The following GALNT17 variants were observed in gnomAD, a reference collection of about 807,000 sequenced individuals.
GALNT17 encodes UDP-GalNAc:polypeptide N-acetylgalactosaminyltransferase-like 3.
Under a neutral mutation model 63.7 loss-of-function variants are expected in GALNT17, and 29 were observed. The ratio of observed to expected loss-of-function variants is 0.46; its 90% confidence interval spans 0.34 to 0.62. GALNT17 has a LOEUF of 0.62. Among genes scored for constraint, GALNT17 ranks in the 20% least tolerant of loss-of-function variants. The probability of loss-of-function intolerance (pLI) is 0.01; values close to 1 mark genes in which losing one functional copy is unlikely to be tolerated. For synonymous variants in GALNT17, 305 were observed against 318.3 expected, an observed-to-expected ratio of 0.96 and a Z score of 0.45; for missense variants, 603 against 799.6, an observed-to-expected ratio of 0.75 and a Z score of 2.97.
chr7:71,203,022 A>C (rs1789204093), intron 1 of GALNT17, among the ~76,000 whole-genome samples: 1 of 152,190 alleles, frequency 6.6e-6, no homozygotes, highest in African/African-American at 2.4e-5. Context: ...ATACACACAC[A>C]CACCATTTTC....
intron 1 of GALNT17, among the ~76,000 whole-genome samples, chr7:71,256,785 C>T (rs560391010): frequency 3.0e-4 from 46 of 152,218 alleles, no homozygotes; most frequent in South Asian, 8.3e-4. Flanking sequence ...CTCTTTTTGC[C>T]AACACTGCGT....
chr7:71,187,382 A>G (rs1192219937), intron 1 of GALNT17, among the ~76,000 whole-genome samples: 1 of 149,534 alleles, frequency 6.7e-6, no homozygotes, highest in Non-Finnish European at 1.5e-5. Context: ...TTAAAAGTCC[A>G]GCCTCTTTAA....
At chr7:71,355,916 G>A (rs1157547110) in intron 2 of GALNT17, among the ~76,000 whole-genome samples, 1 of 152,084 alleles carries the variant, frequency 6.6e-6, no homozygotes, top group Non-Finnish European at 1.5e-5. Flanking sequence ...TATCACATGA[G>A]GCATTCTGAT....
intron 3 of GALNT17, among the ~76,000 whole-genome samples, chr7:71,397,419 A>C (rs1793157471): frequency 6.6e-6 from 1 of 152,116 alleles, no homozygotes; most frequent in Non-Finnish European, 1.5e-5. Flanking sequence ...GTCAAAGCAG[A>C]ACATGTCTTG....
intron 3 of GALNT17, among the ~76,000 whole-genome samples, chr7:71,407,688 C>T (rs745701657): frequency 1.3e-5 from 2 of 152,194 alleles, no homozygotes; most frequent in African/African-American, 2.4e-5. Flanking sequence ...TTGGAAGCTG[C>T]AGTGAGCTAT....
chr7:71,329,549 T>G (rs80351909), intron 1 of GALNT17, among the ~76,000 whole-genome samples: 2 of 152,050 alleles, frequency 1.3e-5, no homozygotes, highest in African/African-American at 4.8e-5. Context: ...TTCCCTCACT[T>G]CCGCAGGCTG....
At chr7:71,289,739 C>T (rs760228247) in intron 1 of GALNT17, among the ~76,000 whole-genome samples, 4 of 151,932 alleles carry the variant, frequency 2.6e-5, no homozygotes, top group South Asian at 4.2e-4. Flanking sequence ...ATTAGCCAGG[C>T]GTGGTAGCGC....
intron 5 of GALNT17, among the ~76,000 whole-genome samples, chr7:71,466,853 A>G (rs760467278): frequency 6.6e-6 from 1 of 151,998 alleles, no homozygotes; most frequent in Non-Finnish European, 1.5e-5. Flanking sequence ...ATCAATGTAT[A>G]CCTTCCATAC....
At chr7:71,484,575 CAT>C (rs1442861757) in intron 5 of GALNT17, among the ~76,000 whole-genome samples, 10 of 152,114 alleles carry the variant, frequency 6.6e-5, no homozygotes, top group African/African-American at 9.7e-5. Context: ...TTGCCACAAA[CAT>C]GTGAGTAATG....
At chr7:71,435,550 G>A (rs144506835) in intron 5 of GALNT17, among the ~76,000 whole-genome samples, 99 of 152,236 alleles carry the variant, frequency 6.5e-4, no homozygotes, top group African/African-American at 2.3e-3. Context: ...CCCTGCACTT[G>A]ATGGATCAGC....
intron 6 of GALNT17, among the ~76,000 whole-genome samples, chr7:71,627,554 G>C (rs1204173209): frequency 1.3e-5 from 2 of 152,190 alleles, no homozygotes; most frequent in African/African-American, 4.8e-5. Flanking sequence ...GAGAACAGTG[G>C]AGGCCATCAA....
intron 2 of GALNT17, among the ~76,000 whole-genome samples, chr7:71,369,582 G>A (rs551862364): frequency 1.0e-3 from 152 of 152,098 alleles, no homozygotes; most frequent in African/African-American, 3.6e-3. Context: ...GGAGGCAGAG[G>A]TAGGCGGATC....
At chr7:71,185,019 C>T (rs1788818159) in intron 1 of GALNT17, among the ~76,000 whole-genome samples, 1 of 127,444 alleles carries the variant, frequency 7.8e-6, no homozygotes. Context: ...TCCCTCCCTC[C>T]TTCCTTCCTT....
chr7:71,494,236 CAAG>C (rs1788057478), intron 5 of GALNT17, among the ~76,000 whole-genome samples: 1 of 152,110 alleles, frequency 6.6e-6, no homozygotes, highest in Admixed American at 6.6e-5. Flanking sequence ...GAAACTGTCA[CAAG>C]AACTGCATAG....
At chr7:71,368,025 C>T (rs1037585002) in intron 2 of GALNT17, among the ~76,000 whole-genome samples, 1 of 152,144 alleles carries the variant, frequency 6.6e-6, no homozygotes, top group African/African-American at 2.4e-5. Flanking sequence ...ACACATTCCC[C>T]ATTGCTTGGG....
Position 71,469,292 on chromosome 7 carries a change from C to T in GALNT17, c.962+48187C>T, listed in dbSNP as rs570819410. On this transcript the variant is annotated intron_variant, in intron 5 of 10. Transcript: ENST00000333538. ...TCAAATGATGGCTCTGCTGTGTCAC[C>T]GTGTGCAAGTTATTTAAACTTTATA... Among the ~76,000 whole-genome samples the T allele has an allele frequency of 4.1e-4, 63 of 152,280 alleles. 1 individual carries two copies. In the South Asian group the frequency reaches 0.012, roughly 29 times the overall value.
At chr7:71,230,680 C>G (rs1274773453) in intron 1 of GALNT17, among the ~76,000 whole-genome samples, 1 of 152,138 alleles carries the variant, frequency 6.6e-6, no homozygotes, top group Non-Finnish European at 1.5e-5. Context: ...AGGAAGAGAG[C>G]AGACAACCAT....
intron 5 of GALNT17, among the ~76,000 whole-genome samples, chr7:71,503,585 GAAT>G (rs1279943995): frequency 1.3e-5 from 2 of 152,080 alleles, no homozygotes; most frequent in Non-Finnish European, 2.9e-5. Context: ...TTCCTACTGG[GAAT>G]TATCTCTTGG....
At position 71,597,765 on chromosome 7, in the gene GALNT17, A is replaced by G. The variant is rs371951110; in HGVS notation, c.1080+26363A>G. Reference sequence around the variant, plus strand: ...TGGCAGAGGTTGTGGGACTGGCCCCATCTCTGGGTTCCCTGGCAGCCGGTG... The same window carrying G: ...TGGCAGAGGTTGTGGGACTGGCCCCGTCTCTGGGTTCCCTGGCAGCCGGTG... On this transcript the variant is annotated intron_variant, in intron 6 of 10. Transcript: ENST00000333538. Among the ~76,000 whole-genome samples, 64 of 152,098 alleles carry G rather than the reference A, an allele frequency of 4.2e-4. No individual in the cohort carries two copies. The South Asian group carries it at 9.5e-3, about 23-fold the overall frequency.
Sources: allele counts gnomAD v4.1 joint callset (sites outside exome capture counted in the v4.1 genomes callset), GRCh38; gene constraint gnomAD v4.1.1; transcripts MANE v1.5; gene names NCBI Gene and HGNC (gene_info 2026-07-23, HGNC 2026-07-21).